KCNH1: variants seen among roughly 807,000 people sequenced by gnomAD.
KCNH1 encodes the protein voltage-gated delayed rectifier potassium channel KCNH1.
In KCNH1, 27 loss-of-function variants were observed where a neutral mutation model predicts 69.2. The observed-to-expected ratio is 0.39, with a 90% CI of 0.29 to 0.54. The LOEUF is 0.54. KCNH1 is among the 20% of genes least tolerant of loss of function. The pLI, the probability that KCNH1 is intolerant of heterozygous loss-of-function variation, is 0.68. For synonymous variants in KCNH1, 456 were observed against 487.7 expected (o/e 0.93, Z 0.86); for missense variants, 798 against 1,261.6 (o/e 0.63, Z 5.57).
At chr1:210,690,185 T>C (rs1310718365) in intron 10 of KCNH1, among the ~76,000 whole-genome samples, 1 of 152,174 alleles carries the variant, frequency 6.6e-6, no homozygotes, top group African/African-American at 2.4e-5. Context: ...CCTTTAACTC[T>C]TTCTTTCTTA....
chr1:210,921,733 C>CT (rs1184939576), intron 6 of KCNH1, among the ~76,000 whole-genome samples: 2 of 152,152 alleles, frequency 1.3e-5, no homozygotes, highest in African/African-American at 4.8e-5. Context: ...GCACATCTTC[C>CT]AGGTGAGTCT....
intron 5 of KCNH1, among the ~76,000 whole-genome samples, chr1:211,073,005 T>C (rs2102459296): frequency 6.6e-6 from 1 of 152,300 alleles, no homozygotes; most frequent in East Asian, 1.9e-4. Flanking sequence ...TGAAGACACA[T>C]ATTGATTAAA....
At chr1:210,967,524 C>G (rs1385561871) in intron 6 of KCNH1, among the ~76,000 whole-genome samples, 1 of 152,030 alleles carries the variant, frequency 6.6e-6, no homozygotes, top group East Asian at 1.9e-4. Context: ...TACAAATAAT[C>G]AAATATCCCA....
At chr1:210,821,824 ATTT>A (rs1684935592) in intron 7 of KCNH1, among the ~76,000 whole-genome samples, 2 of 150,438 alleles carry the variant, frequency 1.3e-5, no homozygotes, top group Non-Finnish European at 3.0e-5. Flanking sequence ...TTATTTATTT[ATTT>A]ATTTATTTAT....
In KCNH1 at chr1:210,797,611, T is replaced by A. The variant is rs1003466506; in HGVS notation, c.1812A>T (p.Pro604=). The change falls in exon 9 of 11, where the codon CCA becomes CCT. Residue 604 remains proline (P), a synonymous_variant. Coordinates refer to ENST00000271751, the MANE Select transcript of KCNH1 (RefSeq NM_172362.3). ...AMEFQTVHCA[P]GDLIYHAGES... ...CTCCTGCATGGTAGATGAGGTCCCC[T>A]GGGGCACAGTGCACCGTCTGGAACT... The A allele has an allele frequency of 1.9e-6, 3 of 1,614,076 alleles. No homozygotes were observed. The highest frequency in any genetic ancestry group is 2.5e-6 in the Non-Finnish European group (3 of 1,180,034).
intron 5 of KCNH1, among the ~76,000 whole-genome samples, chr1:211,074,360 A>G (rs1690697730): frequency 6.6e-6 from 1 of 151,886 alleles, no homozygotes; most frequent in African/African-American, 2.4e-5. Flanking sequence ...ACATAAATAT[A>G]TTAATAATAG....
chr1:211,111,346 C>CA (rs1558608930), intron 1 of KCNH1, among the ~76,000 whole-genome samples: 1 of 146,518 alleles, frequency 6.8e-6, no homozygotes, highest in Non-Finnish European at 1.5e-5. Context: ...CCCGGCCCCC[C>CA]CACCGTCTGG....
At chr1:210,948,633 TC>T (rs1378592226) in intron 6 of KCNH1, among the ~76,000 whole-genome samples, 1 of 151,728 alleles carries the variant, frequency 6.6e-6, no homozygotes, top group Non-Finnish European at 1.5e-5. Flanking sequence ...ATCGAGACCA[TC>T]CTGGCTAACA....
chr1:210,694,373 T>A (rs996101236), intron 10 of KCNH1, among the ~76,000 whole-genome samples: 21 of 152,014 alleles, frequency 1.4e-4, no homozygotes, highest in African/African-American at 5.1e-4. Context: ...TTTTTTCCCC[T>A]TAGTGACTGA....
At chr1:210,870,695 C>T (rs1192862005) in intron 7 of KCNH1, among the ~76,000 whole-genome samples, 1 of 152,264 alleles carries the variant, frequency 6.6e-6, no homozygotes, top group South Asian at 2.1e-4. Context: ...AGTTGAAGAT[C>T]CCAGACAGAG....
In KCNH1 at chr1:210,684,023, C is replaced by G; in HGVS notation, c.2228G>C (p.Arg743Thr). ...PDHPVRRLFQRFRQQKEARLA... is the reference protein window; with the variant it reads ...PDHPVRRLFQTFRQQKEARLA... Reference sequence around the variant, plus strand: ...CCTGGCCTCTTTCTGCTGTCGGAATCTCTGGAAGAGGCGCCGGACAGGGTG... The same window carrying G: ...CCTGGCCTCTTTCTGCTGTCGGAATGTCTGGAAGAGGCGCCGGACAGGGTG... Residue 743 changes from arginine to threonine, a missense_variant, in exon 11 of 11, where the codon AGA (arginine) becomes ACA (threonine). Physicochemically the swap from Arg to Thr is moderately conservative, Grantham distance 71. Transcript: ENST00000271751. The G allele has an allele frequency of 6.3e-7, 1 of 1,590,126 alleles. No homozygotes were observed. Among genetic ancestry groups the G allele is most frequent in the Non-Finnish European group, 8.6e-7 (1 of 1,164,050 alleles).
At position 211,133,969 on chromosome 1, in the gene KCNH1, C is replaced by T. The variant is rs1214866538; in HGVS notation, c.-24G>A. 4.4e-6 allele frequency: 7 copies of T among 1,600,906 alleles called. No homozygotes were observed. The African/African-American group carries it at 6.7e-5, about 15-fold the overall frequency. ...ATCCTCCCAGCAGCTCGGGGTCCGG[C>T]GGGCGTCCTGGCGCGGCTTCTTACG... On this transcript the variant is annotated 5_prime_UTR_variant, in exon 1 of 11. Transcript: ENST00000271751. The surrounding 1 kb of genome is among the most constrained non-coding windows in gnomAD (Gnocchi z 5.4).
intron 5 of KCNH1, among the ~76,000 whole-genome samples, chr1:211,072,566 T>A (rs1690665112): frequency 6.6e-6 from 1 of 152,232 alleles, no homozygotes; most frequent in Admixed American, 6.5e-5. Context: ...TTTATGTATA[T>A]GTGAAATTAG....
intron 5 of KCNH1, among the ~76,000 whole-genome samples, chr1:211,025,882 T>A (rs1689673702): frequency 6.6e-6 from 1 of 152,166 alleles, no homozygotes; most frequent in Admixed American, 6.5e-5. Context: ...CTGTAAATCA[T>A]GTGCTTAATG....
At chr1:210,994,566 C>A (rs1197124491) in intron 6 of KCNH1, among the ~76,000 whole-genome samples, 4 of 152,136 alleles carry the variant, frequency 2.6e-5, no homozygotes, top group Admixed American at 1.3e-4. Flanking sequence ...TAAGTTCTTG[C>A]TAGAGAAAAG....
chr1:211,105,788 C>A (rs930550026), intron 2 of KCNH1, among the ~76,000 whole-genome samples: 1 of 152,040 alleles, frequency 6.6e-6, no homozygotes, highest in Non-Finnish European at 1.5e-5. Context: ...TAGATGCAGA[C>A]AAATAGATCT....
At chr1:210,807,940 G>T (rs1684620201) in intron 7 of KCNH1, among the ~76,000 whole-genome samples, 1 of 152,210 alleles carries the variant, frequency 6.6e-6, no homozygotes, top group African/African-American at 2.4e-5. Context: ...AAGGATCAAA[G>T]AGTTCTCTGG....
At chr1:210,873,895 G>A (rs759358190) in intron 7 of KCNH1, among the ~76,000 whole-genome samples, 1 of 152,090 alleles carries the variant, frequency 6.6e-6, no homozygotes, top group African/African-American at 2.4e-5. Flanking sequence ...CAGTTAAGTG[G>A]AATTGAGAGG....
rs535607793 is a variant in KCNH1, at chr1:211,090,843, T to A, written c.311-153A>T. ...AGTGCTGGGTTATCACACCATAAAT[T>A]TTTTTTCTTGCTGGAATAAAAACTT... On this transcript the variant is annotated intron_variant, in intron 3 of 10. Transcript: ENST00000271751. Among the ~76,000 whole-genome samples, 18 of 152,292 alleles carry A rather than the reference T, an allele frequency of 1.2e-4. No homozygotes were observed. The South Asian group carries it at 3.7e-3, about 32-fold the overall frequency.
Sources: allele counts gnomAD v4.1 joint callset (sites outside exome capture counted in the v4.1 genomes callset), GRCh38; gene constraint gnomAD v4.1.1; non-coding constraint Gnocchi (gnomAD v3.1); transcripts MANE v1.5; gene names NCBI Gene and HGNC (gene_info 2026-07-23, HGNC 2026-07-21).